DACH2: variants seen among roughly 807,000 people sequenced by gnomAD.
DACH2 encodes dachshund family transcription factor 2, also known as dachshund homolog 2.
A neutral mutation model predicts 35.8 loss-of-function variants in DACH2; 17 were observed. The ratio of observed to expected loss-of-function variants is 0.48; its 90% CI spans 0.33 to 0.71. DACH2 has a LOEUF of 0.71. DACH2 is among the 30% of genes least tolerant of loss of function. The pLI is 0.02. For synonymous variants in DACH2, 195 were observed against 177.3 expected, an observed-to-expected ratio of 1.10 and a Z score of -0.79; for missense variants, 469 against 472.7, an observed-to-expected ratio of 0.99 and a Z score of 0.07.
rs183222610 is a variant in DACH2, at chrX:86,777,901, T to C, written c.1241-34955T>C. Among the ~76,000 whole-genome samples, 395 of 111,660 alleles carry C rather than the reference T, an allele frequency of 3.5e-3. 3 individuals carry two copies. The highest frequency in any genetic ancestry group is 0.012 in the African/African-American group (366 of 30,732). On this transcript the variant is annotated intron_variant, in intron 7 of 11. Transcript: ENST00000373125. The stretch of plus-strand genomic sequence containing the variant: ...ATCAAGATGCCCCAGGTAACATATA[T>C]ACATTTCATTTAAAGTTTTTTAAAG...
chrX:86,252,260 A>T (rs958722663), intron 1 of DACH2, among the ~76,000 whole-genome samples: 3 of 110,483 alleles, frequency 2.7e-5, no homozygotes, highest in Non-Finnish European at 5.7e-5. Context: ...CTGGACGTAT[A>T]GATTGTGAAG....
intron 7 of DACH2, among the ~76,000 whole-genome samples, chrX:86,792,415 A>G (rs2042194930): frequency 9.0e-6 from 1 of 111,152 alleles, no homozygotes; most frequent in South Asian, 3.7e-4. Flanking sequence ...GCAATATATA[A>G]TATATTATTG....
intron 1 of DACH2, among the ~76,000 whole-genome samples, chrX:86,337,976 C>A (rs923512502): frequency 8.9e-6 from 1 of 111,785 alleles, no homozygotes; most frequent in Non-Finnish European, 1.9e-5. Context: ...CAAAGAAGGG[C>A]ATTACATAAT....
intron 1 of DACH2, among the ~76,000 whole-genome samples, chrX:86,331,282 T>C (rs1482342008): frequency 9.0e-6 from 1 of 110,883 alleles, no homozygotes; most frequent in Non-Finnish European, 1.9e-5. Flanking sequence ...AAATGCAGGT[T>C]CCCATTGACA....
chrX:86,585,169 A>T (rs184641522), intron 3 of DACH2, among the ~76,000 whole-genome samples: 2 of 110,814 alleles, frequency 1.8e-5, no homozygotes, highest in East Asian at 5.7e-4. Flanking sequence ...ATATATGTTT[A>T]CAGTAATGAT....
chrX:86,345,097 A>G (rs1335338136), intron 1 of DACH2, among the ~76,000 whole-genome samples: 1 of 111,686 alleles, frequency 9.0e-6, no homozygotes, highest in Non-Finnish European at 1.9e-5. Flanking sequence ...TTCCTATAAG[A>G]TTTCTCTTTT....
At chrX:86,169,481 C>T (rs1054686684) in intron 1 of DACH2, among the ~76,000 whole-genome samples, 1 of 111,262 alleles carries the variant, frequency 9.0e-6, no homozygotes, top group Non-Finnish European at 1.9e-5. Context: ...ACTTTCTACA[C>T]TTATCTCTAC....
intron 1 of DACH2, among the ~76,000 whole-genome samples, chrX:86,356,631 C>T (rs774856893): frequency 9.0e-6 from 1 of 111,089 alleles, no homozygotes; most frequent in East Asian, 2.9e-4. Flanking sequence ...GACAATATGG[C>T]CATTTAAACA....
intron 1 of DACH2, among the ~76,000 whole-genome samples, chrX:86,241,746 G>T (rs1357871587): frequency 8.9e-6 from 1 of 112,398 alleles, no homozygotes; most frequent in Non-Finnish European, 1.9e-5. Flanking sequence ...AAATGGTTTT[G>T]TGAGCCAGGT....
intron 3 of DACH2, among the ~76,000 whole-genome samples, chrX:86,602,200 T>A (rs1025052478): frequency 8.9e-6 from 1 of 111,876 alleles, no homozygotes; most frequent in African/African-American, 3.2e-5. Context: ...TTCTTTTTAT[T>A]TCTGTGTAAT....
chrX:86,462,340 C>A (rs756870354), intron 2 of DACH2, among the ~76,000 whole-genome samples: 6 of 111,077 alleles, frequency 5.4e-5, no homozygotes, highest in Non-Finnish European at 1.1e-4. Context: ...TTACGTTGTA[C>A]AAAGCAGAAT....
At position 86,827,753 on chromosome X, in the gene DACH2, T is replaced by C; in HGVS notation, c.1751-4353T>C. The C allele has an allele frequency of 1.7e-6, 2 of 1,165,555 alleles. 1 individual carries two copies. On this transcript the variant is annotated intron_variant, in intron 11 of 11. Coordinates refer to ENST00000373125, the MANE Select transcript of DACH2 (RefSeq NM_053281.3). ...TGAAATTTTGACCAGGTCTTATTGT[T>C]TTTTCTGTGCAGCCTGAACACTGAT...
chrX:86,433,802 T>A lies in DACH2; in HGVS notation c.527+56940T>A, dbSNP rs1195792947. On this transcript the variant is annotated intron_variant, in intron 2 of 11. Transcript: ENST00000373125. ...TTAATTTCTTCATGTTGGCAGATTA[T>A]CAGGTGTGTATTGTAGTAAGAAAGA... is the stretch of plus-strand genomic sequence containing the variant. Among the ~76,000 whole-genome samples the A allele has an allele frequency of 3.6e-5, 4 of 111,723 alleles. No individual in the cohort carries two copies. In the East Asian group the frequency reaches 1.1e-3, roughly 31 times the overall value.
At chrX:86,784,128 G>A (rs2042114855) in intron 7 of DACH2, among the ~76,000 whole-genome samples, 1 of 107,902 alleles carries the variant, frequency 9.3e-6, no homozygotes. Context: ...ACAATGTACG[G>A]ATAAAAGATA....
At chrX:86,691,458 T>G (rs1177480140) in intron 4 of DACH2, among the ~76,000 whole-genome samples, 1 of 111,652 alleles carries the variant, frequency 9.0e-6, no homozygotes, top group Non-Finnish European at 1.9e-5. Context: ...ACATATCAGG[T>G]ACTCCATAAA....
rs552857383 is a variant in DACH2, at chrX:86,205,381, C to A, written c.488+56273C>A. Among the ~76,000 whole-genome samples the A allele has an allele frequency of 8.6e-5, 9 of 104,906 alleles. No homozygotes were observed. In the South Asian group the frequency reaches 2.8e-3, roughly 33 times the overall value. 91.1% of individuals were successfully genotyped at this position (104,906 alleles called of 115,157 possible). On this transcript the variant is annotated intron_variant, in intron 1 of 11. Transcript: ENST00000373125. The stretch of plus-strand genomic sequence containing the variant: ...AGCCTGAGAAACACTGGGTTGAGTT[C>A]TTTCCTTCCTTCCTCCCTCCCTCCC...
At chrX:86,512,354 C>G (rs1400069209) in intron 2 of DACH2, among the ~76,000 whole-genome samples, 11 of 110,003 alleles carry the variant, frequency 1.0e-4, no homozygotes, top group African/African-American at 3.0e-4. Context: ...GACTAAGAGG[C>G]CTCTAATGCT....
At chrX:86,315,102 T>A (rs67276538) in intron 1 of DACH2, among the ~76,000 whole-genome samples, 18,862 of 111,430 alleles carry the variant, frequency 0.17, 1,679 homozygotes, top group African/African-American at 0.34. Flanking sequence ...ACAGGCTGAC[T>A]CTTTTGTTAG....
At chrX:86,348,032 G>A (rs2035526099) in intron 1 of DACH2, among the ~76,000 whole-genome samples, 1 of 111,436 alleles carries the variant, frequency 9.0e-6, no homozygotes. Flanking sequence ...ATTCAGGAAG[G>A]CATATCAGCC....
Sources: allele counts gnomAD v4.1 joint callset (sites outside exome capture counted in the v4.1 genomes callset), GRCh38; gene constraint gnomAD v4.1.1; transcripts MANE v1.5; gene names NCBI Gene and HGNC (gene_info 2026-07-23, HGNC 2026-07-21).